PI4KA: variants seen among roughly 807,000 people sequenced by gnomAD.
PI4KA encodes PI4-kinase alpha.
Under a neutral mutation model 271.4 loss-of-function variants are expected in PI4KA, and 122 were observed. The observed-to-expected ratio is 0.45, with a 90% confidence interval of 0.39 to 0.52. The LOEUF (loss-of-function observed/expected upper bound fraction) is 0.52. PI4KA is among the 20% of genes least tolerant of loss of function. The pLI, the probability that PI4KA is intolerant of heterozygous loss-of-function variation, is 0.00. For synonymous variants in PI4KA, 1,041 were observed against 1,078.8 expected, an observed-to-expected ratio of 0.96 and a Z score of 0.69; for missense variants, 1,969 against 2,769.1, an observed-to-expected ratio of 0.71 and a Z score of 6.48.
rs1935515280 is a variant in PI4KA, at chr22:20,804,398, C to T, written c.1363G>A (p.Ala455Thr). The T allele has an allele frequency of 6.2e-7, 1 of 1,610,476 alleles. No individual in the cohort carries two copies. Among genetic ancestry groups the T allele is most frequent in the Non-Finnish European group, 8.5e-7 (1 of 1,176,804 alleles). Reference sequence around the variant, plus strand: ...GATAGCTTGATGCAAAGGTTTTCTGCACCTTAATTCAAAACCAGAAGAGGA... The same window carrying T: ...GATAGCTTGATGCAAAGGTTTTCTGTACCTTAATTCAAAACCAGAAGAGGA... ...MVWAVKDEQG[A>T]ENLCIKLSEK... The change falls in exon 12 of 55, where the codon GCA (alanine) becomes ACA (threonine). Residue 455 changes from alanine (A) to threonine (T), a missense_variant and splice_region_variant. Transcript: ENST00000255882.
chr22:20,820,751 G>A (rs545305002), intron 4 of PI4KA, 140 bp from the exon 5 acceptor site: 2 of 629,140 alleles, frequency 3.2e-6, no homozygotes, highest in East Asian at 5.5e-5. Flanking sequence ...CAACGACTGT[G>A]CCAAGTGGCC....
chr22:20,736,023 C>G (rs551679046), intron 32 of PI4KA, among the ~76,000 whole-genome samples: 72 of 152,260 alleles, frequency 4.7e-4, no homozygotes, highest in African/African-American at 1.7e-3. Context: ...CATGACCACA[C>G]AGTCTATGGT....
At chr22:20,723,030 T>C (rs756465216) in intron 42 of PI4KA, among the ~76,000 whole-genome samples, 5 of 151,968 alleles carry the variant, frequency 3.3e-5, no homozygotes, top group Non-Finnish European at 4.4e-5. Flanking sequence ...TTTGATTTAC[T>C]GTTCCTTTTT....
At chr22:20,741,531 A>G (rs1929457164) in intron 32 of PI4KA, among the ~76,000 whole-genome samples, 1 of 152,134 alleles carries the variant, frequency 6.6e-6, no homozygotes, top group East Asian at 1.9e-4. Context: ...ATTGATACAA[A>G]CCCCACGAGG....
rs1935736310 is a variant in PI4KA at position 20,807,553 on chromosome 22, T to C, written c.1072-95A>G. On this transcript the variant is annotated intron_variant, in intron 9 of 54. Transcript: ENST00000255882. ...CAAGGCCCAGCGGAATGGTGATTCG[T>C]GACTTAGCATTCTAAATGAAGCAAC... is the stretch of plus-strand genomic sequence containing the variant. 28 of 686,570 alleles carry C rather than the reference T, an allele frequency of 4.1e-5. No homozygotes were observed. In the East Asian group the frequency reaches 7.5e-4, roughly 18 times the overall value. The allele number at this position is 686,570 out of a possible 1,614,324, so 42.5% of individuals were successfully genotyped here.
At chr22:20,824,732 T>TCACA (rs361914) in intron 3 of PI4KA, among the ~76,000 whole-genome samples, 3,344 of 136,254 alleles carry the variant, frequency 0.025, 61 homozygotes, top group East Asian at 0.065. Flanking sequence ...ATGTGATAAA[T>TCACA]CACACACACA....
At chr22:20,794,417 G>A (rs989360323) in intron 18 of PI4KA, among the ~76,000 whole-genome samples, 1 of 152,118 alleles carries the variant, frequency 6.6e-6, no homozygotes, top group Non-Finnish European at 1.5e-5. Flanking sequence ...CTAAGGTCCC[G>A]CTAGACACGC....
intron 42 of PI4KA, among the ~76,000 whole-genome samples, chr22:20,724,977 C>T (rs1015675906): frequency 1.3e-5 from 2 of 152,234 alleles, no homozygotes; most frequent in African/African-American, 4.8e-5. Context: ...CCACACATAT[C>T]ACCACTCAGA....
At chr22:20,757,177 A>G (rs1308537504) in intron 23 of PI4KA, among the ~76,000 whole-genome samples, 1 of 152,210 alleles carries the variant, frequency 6.6e-6, no homozygotes, top group Non-Finnish European at 1.5e-5. Flanking sequence ...TAGGTTCTGA[A>G]AATTCAAGAA....
chr22:20,782,632 G>A (rs1933885794), intron 19 of PI4KA, among the ~76,000 whole-genome samples: 4 of 152,180 alleles, frequency 2.6e-5, no homozygotes, highest in African/African-American at 9.7e-5. Flanking sequence ...CAAACTGAAA[G>A]GGCCGTGATT....
At chr22:20,810,383 C>T (rs1213416400) in intron 9 of PI4KA, among the ~76,000 whole-genome samples, 1 of 151,916 alleles carries the variant, frequency 6.6e-6, no homozygotes, top group East Asian at 1.9e-4. Context: ...GTGGAGGGTG[C>T]CTGTAGTCCC....
At chr22:20,748,834 G>A (rs192913768) in intron 28 of PI4KA, among the ~76,000 whole-genome samples, 1 of 152,284 alleles carries the variant, frequency 6.6e-6, no homozygotes, top group Non-Finnish European at 1.5e-5. Context: ...GGTGGGTGGA[G>A]GAGAGGGCAG....
chr22:20,776,943 C>G (rs1303190728), intron 19 of PI4KA, among the ~76,000 whole-genome samples: 1 of 152,182 alleles, frequency 6.6e-6, no homozygotes, highest in Non-Finnish European at 1.5e-5. Flanking sequence ...TAACTCTTAC[C>G]TGGCCTCAAC....
At chr22:20,819,041 A>T (rs1048666273) in intron 6 of PI4KA, among the ~76,000 whole-genome samples, 6 of 152,252 alleles carry the variant, frequency 3.9e-5, no homozygotes, top group Non-Finnish European at 2.9e-5. Context: ...GGACCAGAGC[A>T]AATCAGAGGC....
chr22:20,820,281 C>A (rs775615674), intron 5 of PI4KA, among the ~76,000 whole-genome samples: 5 of 152,200 alleles, frequency 3.3e-5, no homozygotes, highest in Non-Finnish European at 1.5e-5. Context: ...AATCTACCCA[C>A]AGATGTTACA....
At chr22:20,845,032 G>C (rs1008034127) in intron 1 of PI4KA, among the ~76,000 whole-genome samples, 2 of 152,166 alleles carry the variant, frequency 1.3e-5, no homozygotes, top group African/African-American at 4.8e-5. Context: ...ACGATGGCCA[G>C]GGTTATTCCC....
chr22:20,820,695 C>CT (rs1922546772), intron 4 of PI4KA, 84 bp from the exon 5 acceptor site: 3 of 952,372 alleles, frequency 3.2e-6, no homozygotes, highest in Non-Finnish European at 5.0e-6. Flanking sequence ...TTAGAAGGCA[C>CT]TTCAGACATT....
intron 1 of PI4KA, among the ~76,000 whole-genome samples, chr22:20,858,246 C>T (rs916493546): frequency 2.0e-5 from 3 of 152,210 alleles, no homozygotes; most frequent in Admixed American, 1.3e-4. Flanking sequence ...TCCGCACAGC[C>T]GCCCACGATC....
chr22:20,759,402 CTTTTTTTT>C lies in PI4KA; in HGVS notation c.2791+1894_2791+1901del, dbSNP rs886192073. On this transcript the variant is annotated intron_variant, in intron 23 of 54. Transcript: ENST00000255882. ...TTGATTTTTCTTTTTCTTTTCTTTT[CTTTTTTTT>C]TTTTTTTTTTTTTGAGACAGAGTCT... 7.8e-5 allele frequency among the ~76,000 whole-genome samples: 8 copies of C among 102,886 alleles called. 1 individual carries two copies. The highest frequency in any genetic ancestry group is 3.0e-4 in the African/African-American group (8 of 26,728). The allele number at this position is 102,886 out of a possible 152,430, so 67.5% of individuals were successfully genotyped here. A position where few individuals can be genotyped will look rare whatever the true frequency, so the allele number is the denominator to read the frequency against.
Sources: allele counts gnomAD v4.1 joint callset (sites outside exome capture counted in the v4.1 genomes callset), GRCh38; gene constraint gnomAD v4.1.1; transcripts MANE v1.5; gene names NCBI Gene and HGNC (gene_info 2026-07-23, HGNC 2026-07-21).